Variants in INPP4B observed in about 807,000 individuals in gnomAD.
INPP4B encodes the protein inositol polyphosphate 4-phosphatase type II.
Under a neutral mutation model 122.5 loss-of-function variants are expected in INPP4B, and 55 were observed. The ratio of observed to expected loss-of-function variants is 0.45; its 90% confidence interval spans 0.36 to 0.56. INPP4B has a LOEUF of 0.56. Among genes scored for constraint, INPP4B ranks in the 20% least tolerant of loss-of-function variants. INPP4B has a pLI of 0.00. For synonymous variants in INPP4B, 403 were observed against 388.7 expected, an observed-to-expected ratio of 1.04 and a Z score of -0.43; for missense variants, 1,000 against 1,097.7, an observed-to-expected ratio of 0.91 and a Z score of 1.26.
At chr4:142,519,201 T>A (rs527755575) in intron 2 of INPP4B, among the ~76,000 whole-genome samples, 1 of 152,128 alleles carries the variant, frequency 6.6e-6, no homozygotes, top group African/African-American at 2.4e-5. Flanking sequence ...AATCACACAC[T>A]TTTAAGGAAT....
chr4:142,609,236 G>A (rs946540323), intron 2 of INPP4B, among the ~76,000 whole-genome samples: 9 of 151,322 alleles, frequency 5.9e-5, no homozygotes, highest in African/African-American at 1.9e-4. Flanking sequence ...ACTTATTTAT[G>A]TTTATTGTAA....
intron 9 of INPP4B, among the ~76,000 whole-genome samples, chr4:142,271,811 C>G (rs547517822): frequency 6.6e-6 from 1 of 152,244 alleles, no homozygotes; most frequent in South Asian, 2.1e-4. Context: ...TTTTCACCAT[C>G]ATTATTTTTA....
chr4:142,383,849 G>A, intron 7 of INPP4B: 1 of 483,310 alleles, frequency 2.1e-6, no homozygotes, highest in Non-Finnish European at 3.7e-6. Context: ...ATGATGTTTT[G>A]TGCTTTGAAT....
intron 10 of INPP4B, among the ~76,000 whole-genome samples, chr4:142,262,177 T>C (rs555834900): frequency 6.6e-6 from 1 of 152,330 alleles, no homozygotes; most frequent in Non-Finnish European, 1.5e-5. Context: ...ATTCATCATA[T>C]CAGTGTTCTA....
chr4:142,411,622 T>A (rs1804609767), intron 5 of INPP4B, among the ~76,000 whole-genome samples: 1 of 152,166 alleles, frequency 6.6e-6, no homozygotes, highest in African/African-American at 2.4e-5. Context: ...CCAGGCACAG[T>A]GGCTAATGCC....
In INPP4B at chr4:142,482,816, T is replaced by A. The variant is rs534208355; in HGVS notation, c.-190-20090A>T. Among the ~76,000 whole-genome samples, 6 of 152,242 alleles carry A rather than the reference T, an allele frequency of 3.9e-5. No individual in the cohort carries two copies. In the East Asian group the frequency reaches 1.2e-3, roughly 29 times the overall value. ...TACTTCTCCTTTGTCTCATAGCATA[T>A]ATTTATTTGTGTGATTCATTAATGA... On this transcript the variant is annotated intron_variant, in intron 2 of 25. Coordinates refer to ENST00000262992, the MANE Select transcript of INPP4B (RefSeq NM_001101669.3).
At chr4:142,405,080 T>C (rs1802920810) in intron 6 of INPP4B, 126 bp downstream of exon 6, 2 of 617,050 alleles carry the variant, frequency 3.2e-6, no homozygotes, top group Non-Finnish European at 5.8e-6. Flanking sequence ...AACTAACTTA[T>C]TTCAGCTGTT....
At chr4:142,387,853 G>A (rs185107462) in intron 7 of INPP4B, among the ~76,000 whole-genome samples, 1 of 152,098 alleles carries the variant, frequency 6.6e-6, no homozygotes. Flanking sequence ...CCATAAGCCC[G>A]CTGTTCAAGA....
chr4:142,180,972 T>C (rs967233881), intron 15 of INPP4B, among the ~76,000 whole-genome samples: 2 of 152,086 alleles, frequency 1.3e-5, no homozygotes, highest in Non-Finnish European at 2.9e-5. Context: ...ACTCAGTCAA[T>C]GAATTAAGGA....
intron 1 of INPP4B, among the ~76,000 whole-genome samples, chr4:142,757,591 C>T (rs947663426): frequency 6.6e-6 from 1 of 152,058 alleles, no homozygotes; most frequent in East Asian, 1.9e-4. Flanking sequence ...AAGCTTCCTC[C>T]GTGTCTTTTT....
intron 25 of INPP4B, among the ~76,000 whole-genome samples, chr4:142,031,379 G>A (rs1739943284): frequency 6.6e-6 from 1 of 152,128 alleles, no homozygotes; most frequent in South Asian, 2.1e-4. Context: ...CCCCAAACAA[G>A]TCCTATACAG....
At chr4:142,726,834 C>G (rs1456207809) in intron 1 of INPP4B, among the ~76,000 whole-genome samples, 1 of 152,102 alleles carries the variant, frequency 6.6e-6, no homozygotes, top group Admixed American at 6.5e-5. Context: ...CATTTTTCAT[C>G]TGTAATATGG....
chr4:142,471,801 G>A (rs1222608648), intron 2 of INPP4B, among the ~76,000 whole-genome samples: 1 of 151,520 alleles, frequency 6.6e-6, no homozygotes, highest in Non-Finnish European at 1.5e-5. Flanking sequence ...CCAAGCCTGA[G>A]CCTCTGTTCT....
chr4:142,552,405 G>C (rs6537110), intron 2 of INPP4B, among the ~76,000 whole-genome samples: 36,018 of 151,156 alleles, frequency 0.24, 5,368 homozygotes, highest in East Asian at 0.78. Flanking sequence ...TAATTATATA[G>C]AGAATTCCTT....
intron 2 of INPP4B, among the ~76,000 whole-genome samples, chr4:142,594,629 C>T (rs1038213721): frequency 3.9e-5 from 6 of 152,020 alleles, no homozygotes; most frequent in African/African-American, 7.2e-5. Context: ...TTATATCAAA[C>T]ATTTAGATGT....
intron 2 of INPP4B, among the ~76,000 whole-genome samples, chr4:142,505,272 T>C (rs1226533974): frequency 1.3e-5 from 2 of 151,570 alleles, no homozygotes; most frequent in Admixed American, 6.6e-5. Context: ...TGTGCAAGTA[T>C]GCAAAATTAT....
rs939433551 is a variant in INPP4B at position 142,722,099 on chromosome 4, T to TTA, written c.-191+3738_-191+3739dup. ...GTGCACCTTTATATATGATATCAAATTATATATATATACACACACACATAT... is the reference window on the plus strand; with the variant it reads ...GTGCACCTTTATATATGATATCAAATTATATATATATATACACACACACATAT... On this transcript the variant is annotated intron_variant, in intron 2 of 25. Transcript: ENST00000262992. 3.1e-4 allele frequency among the ~76,000 whole-genome samples: 47 copies of TTA among 151,886 alleles called. 1 individual carries two copies. Among genetic ancestry groups the TTA allele is most frequent in the South Asian group, 2.1e-3 (10 of 4,812 alleles).
chr4:142,565,434 G>A (rs1025881530), intron 2 of INPP4B, among the ~76,000 whole-genome samples: 2 of 152,164 alleles, frequency 1.3e-5, no homozygotes, highest in African/African-American at 4.8e-5. Context: ...GTGGAATAAC[G>A]TAAGGGTTCA....
chr4:142,616,544 C>G (rs1057462655), intron 2 of INPP4B, among the ~76,000 whole-genome samples: 1 of 151,928 alleles, frequency 6.6e-6, no homozygotes, highest in Non-Finnish European at 1.5e-5. Flanking sequence ...ATTTTTGTAC[C>G]CCAACACTTC....
Sources: allele counts gnomAD v4.1 joint callset (sites outside exome capture counted in the v4.1 genomes callset), GRCh38; gene constraint gnomAD v4.1.1; transcripts MANE v1.5; gene names NCBI Gene and HGNC (gene_info 2026-07-23, HGNC 2026-07-21).